TM9SF3: variants seen among roughly 807,000 people sequenced by gnomAD.
TM9SF3 encodes transmembrane 9 superfamily member 3.
A neutral mutation model predicts 78.6 loss-of-function variants in TM9SF3; 14 were observed. The observed-to-expected ratio is 0.18, with a 90% CI of 0.12 to 0.28. The LOEUF (loss-of-function observed/expected upper bound fraction) is 0.28. Ranked by LOEUF, TM9SF3 falls within the 10% of genes least tolerant of loss-of-function variation. The pLI is 1.00. For missense variants in TM9SF3, 496 were observed against 721.9 expected (o/e 0.69, Z 3.59); for synonymous variants, 231 against 241.7 (o/e 0.96, Z 0.41).
chr10:96,561,598 CA>C (rs1848309443), intron 4 of TM9SF3, among the ~76,000 whole-genome samples: 1 of 152,190 alleles, frequency 6.6e-6, no homozygotes, highest in Non-Finnish European at 1.5e-5. Context: ...ATCTATCCAG[CA>C]ACTTTCAATA....
chr10:96,560,093 G>C, intron 4 of TM9SF3: 4 of 620,166 alleles, frequency 6.4e-6, no homozygotes, highest in Non-Finnish European at 1.2e-5. Context: ...ACATCTGCCT[G>C]GTGTAATTCT....
intron 7 of TM9SF3, among the ~76,000 whole-genome samples, chr10:96,548,695 G>C (rs2134141832): frequency 6.6e-6 from 1 of 151,130 alleles, no homozygotes; most frequent in South Asian, 2.1e-4. Flanking sequence ...TTACTCGAGA[G>C]GCTGAGGCAG....
chr10:96,550,140 G>A lies in TM9SF3; in HGVS notation c.959+1105C>T, dbSNP rs78603037. ...CTCATGCGGTAAATGAATTAGAAAG[G>A]TTATATTAAAGAAATACAACCAATG... On this transcript the variant is annotated intron_variant, in intron 7 of 14. Coordinates refer to ENST00000371142, the MANE Select transcript of TM9SF3 (RefSeq NM_020123.4). Among the ~76,000 whole-genome samples the A allele has an allele frequency of 3.1e-3, 478 of 152,246 alleles. 3 individuals are homozygous for A. The highest frequency in any genetic ancestry group is 0.011 in the African/African-American group (437 of 41,548).
At chr10:96,527,082 A>C (rs1847846518) in intron 14 of TM9SF3, 131 bp downstream of exon 14, 2 of 669,022 alleles carry the variant, frequency 3.0e-6, no homozygotes, top group Non-Finnish European at 5.0e-6. Flanking sequence ...AAGGACTGAA[A>C]TCAGACTCGG....
chr10:96,578,289 G>T (rs1222777557), intron 1 of TM9SF3, among the ~76,000 whole-genome samples: 1 of 152,048 alleles, frequency 6.6e-6, no homozygotes, highest in Non-Finnish European at 1.5e-5. Flanking sequence ...TAGGTATTAA[G>T]AATATAAAAG....
At position 96,521,598 on chromosome 10, in the gene TM9SF3, T is replaced by C. The variant is rs1220074073; in HGVS notation, c.*665A>G. Reference sequence around the variant, plus strand: ...GTATCTTCTTTGGATGGAATTAAGATGTAACTGTATAGTTTTAAGATAAAT... The same window carrying C: ...GTATCTTCTTTGGATGGAATTAAGACGTAACTGTATAGTTTTAAGATAAAT... On this transcript the variant is annotated 3_prime_UTR_variant, in exon 15 of 15. Transcript: ENST00000371142. The C allele has an allele frequency of 2.0e-5, 3 of 152,440 alleles. No homozygotes were observed. Among genetic ancestry groups the C allele is most frequent in the African/African-American group, 2.4e-5 (1 of 41,424 alleles). The allele number at this position is 152,440 out of a possible 1,614,324, so 9.4% of individuals were successfully genotyped here. A position where few individuals can be genotyped will look rare whatever the true frequency, so the allele number is the denominator to read the frequency against.
chr10:96,543,136 C>G (rs1346308079), intron 9 of TM9SF3, among the ~76,000 whole-genome samples: 3 of 152,166 alleles, frequency 2.0e-5, no homozygotes, highest in African/African-American at 4.8e-5. Flanking sequence ...AGCCTTCACT[C>G]TAGTCTAGGC....
chr10:96,536,681 C>T (rs1847964444), intron 9 of TM9SF3, among the ~76,000 whole-genome samples: 1 of 152,040 alleles, frequency 6.6e-6, no homozygotes, highest in South Asian at 2.1e-4. Context: ...CCTGAGACAC[C>T]CCTCCTTCTT....
Position 96,568,991 on chromosome 10 carries a change from C to T in TM9SF3, c.299-3565G>A, listed in dbSNP as rs184748967. On this transcript the variant is annotated intron_variant, in intron 2 of 14. Transcript: ENST00000371142. ...TCCCCTGAGCCCAGGAGTTCGAGAC[C>T]AGCCTGAGCAACATGTCAAAACCTC... 2.8e-4 allele frequency among the ~76,000 whole-genome samples: 42 copies of T among 152,120 alleles called. 2 individuals carry two copies. In the East Asian group the frequency reaches 7.9e-3, roughly 29 times the overall value.
intron 2 of TM9SF3, among the ~76,000 whole-genome samples, chr10:96,570,337 A>C (rs927122779): frequency 1.3e-5 from 2 of 152,224 alleles, no homozygotes; most frequent in African/African-American, 4.8e-5. Flanking sequence ...AAAATACAAC[A>C]AAATGTTAAT....
At chr10:96,525,144 G>A (rs950639088) in intron 14 of TM9SF3, among the ~76,000 whole-genome samples, 1 of 151,916 alleles carries the variant, frequency 6.6e-6, no homozygotes, top group African/African-American at 2.4e-5. Flanking sequence ...ATACCTCACT[G>A]AATGCTGGTG....
intron 10 of TM9SF3, among the ~76,000 whole-genome samples, chr10:96,532,379 C>T (rs1847908227): frequency 6.6e-6 from 1 of 151,676 alleles, no homozygotes; most frequent in Non-Finnish European, 1.5e-5. Context: ...TACATGCCTC[C>T]ATGTCTAGAA....
chr10:96,534,930 G>C (rs983520230), intron 9 of TM9SF3, among the ~76,000 whole-genome samples: 24 of 152,202 alleles, frequency 1.6e-4, no homozygotes, highest in African/African-American at 4.8e-4. Flanking sequence ...TGATTAGGAA[G>C]GCTTGTAATG....
At chr10:96,560,715 C>A in intron 4 of TM9SF3, 2 of 577,816 alleles carry the variant, frequency 3.5e-6, no homozygotes, top group Non-Finnish European at 6.6e-6. Context: ...TAAAGAAAAA[C>A]CACCAGTGAA....
chr10:96,565,729 T>C (rs1848360797), intron 2 of TM9SF3, among the ~76,000 whole-genome samples: 1 of 152,132 alleles, frequency 6.6e-6, no homozygotes, highest in African/African-American at 2.4e-5. Context: ...CAAAATAAAT[T>C]GATTTTAAAA....
rs1423323691 is a variant in TM9SF3 at position 96,586,880 on chromosome 10, CCCGCCGCCGCCTCCT to C, written c.-60_-46del. 183 of 952,536 alleles carry C rather than the reference CCCGCCGCCGCCTCCT, an allele frequency of 1.9e-4. No homozygotes were observed. The highest frequency in any genetic ancestry group is 1.4e-3 in the Middle Eastern group (3 of 2,104). 59.0% of individuals were successfully genotyped at this position (952,536 alleles called of 1,614,324 possible). A position where few individuals can be genotyped will look rare whatever the true frequency, so the allele number is the denominator to read the frequency against. On this transcript the variant is annotated 5_prime_UTR_variant, in exon 1 of 15. Coordinates refer to ENST00000371142, the MANE Select transcript of TM9SF3 (RefSeq NM_020123.4). ...CGGAGCCGGCTCACCGACTCCTCCT[CCCGCCGCCGCCTCCT>C]CCGCCGCCGCCGCCTCCGCCGCGGC...
At chr10:96,563,023 G>T (rs1426132899) in intron 3 of TM9SF3, among the ~76,000 whole-genome samples, 1 of 151,578 alleles carries the variant, frequency 6.6e-6, no homozygotes, top group African/African-American at 2.4e-5. Context: ...CAAATTCAAG[G>T]AGTATAGTTT....
intron 10 of TM9SF3, among the ~76,000 whole-genome samples, chr10:96,532,071 G>A (rs1271834646): frequency 4.6e-5 from 7 of 151,792 alleles, no homozygotes; most frequent in African/African-American, 1.5e-4. Context: ...TTAGCCAGGC[G>A]TGGTGGCGGG....
In TM9SF3 at chr10:96,576,832, G is replaced by T; in HGVS notation, c.103-3C>A. ...ACAACTTCCTCTTTATCTTGATACT[G>T]AAACAAGAAAAGCAAACAAGAATTA... On this transcript the variant is annotated splice_region_variant and splice_polypyrimidine_tract_variant and intron_variant, in intron 1 of 14. Coordinates refer to ENST00000371142, the MANE Select transcript of TM9SF3 (RefSeq NM_020123.4). 1 of 1,452,544 alleles carries T rather than the reference G, an allele frequency of 6.9e-7. No individual in the cohort carries two copies. The highest frequency in any genetic ancestry group is 9.1e-7 in the Non-Finnish European group (1 of 1,101,778). 90.0% of individuals were successfully genotyped at this position (1,452,544 alleles called of 1,614,324 possible). A position where few individuals can be genotyped will look rare whatever the true frequency, so the allele number is the denominator to read the frequency against.
Sources: allele counts gnomAD v4.1 joint callset (sites outside exome capture counted in the v4.1 genomes callset), GRCh38; gene constraint gnomAD v4.1.1; transcripts MANE v1.5; gene names NCBI Gene and HGNC (gene_info 2026-07-23, HGNC 2026-07-21).